The following VSTM2A variants were observed in gnomAD, a reference collection of about 807,000 sequenced individuals.
The protein encoded by VSTM2A is V-set and transmembrane domain containing 2A.
VSTM2A carries 13 observed loss-of-function variants against 27.3 expected under a neutral mutation model. The observed-to-expected ratio is 0.48, with a 90% confidence interval of 0.31 to 0.76. The LOEUF (loss-of-function observed/expected upper bound fraction) is 0.76, where lower values mean the gene tolerates loss of function less well. Ranked by LOEUF, VSTM2A falls within the 30% of genes least tolerant of loss-of-function variation. The probability of loss-of-function intolerance (pLI) is 0.05; values close to 1 mark genes in which losing one functional copy is unlikely to be tolerated. For synonymous variants in VSTM2A, 142 were observed against 125.7 expected, an observed-to-expected ratio of 1.13 and a Z score of -0.87; for missense variants, 280 against 310.0, an observed-to-expected ratio of 0.90 and a Z score of 0.73.
intron 4 of VSTM2A, among the ~76,000 whole-genome samples, chr7:54,565,901 C>T (rs1166320785): frequency 1.3e-5 from 2 of 152,118 alleles, no homozygotes; most frequent in African/African-American, 2.4e-5. Context: ...GAAATGCTTG[C>T]CTGATGCATC....
chr7:54,542,724 T>C lies in VSTM2A; in HGVS notation c.-7T>C. The C allele has an allele frequency of 6.2e-7, 1 of 1,613,466 alleles. No individual in the cohort carries two copies. Among genetic ancestry groups the C allele is most frequent in the Non-Finnish European group, 8.5e-7 (1 of 1,179,490 alleles). ...CTACACTGATGTGACCCCCCTCCCT[T>C]TTTGGAATGATGGGGATCTTTTTGG... is the stretch of plus-strand genomic sequence containing the variant. On this transcript the variant is annotated 5_prime_UTR_variant, in exon 1 of 5. Coordinates refer to ENST00000402613, the MANE Select transcript of VSTM2A (RefSeq NM_001301009.2).
At chr7:54,544,549 G>T in intron 1 of VSTM2A, 73 bp from the exon 2 acceptor site, 1 of 1,585,368 alleles carries the variant, frequency 6.3e-7, no homozygotes, top group Admixed American at 1.7e-5. Context: ...GAAAAATGTA[G>T]CGAGCTCTCA....
intron 4 of VSTM2A, among the ~76,000 whole-genome samples, chr7:54,554,466 A>G (rs1159628810): frequency 6.6e-6 from 1 of 152,144 alleles, no homozygotes; most frequent in African/African-American, 2.4e-5. Context: ...CTTGTCCCCA[A>G]AGTATCTACA....
rs560852353 is a variant in VSTM2A at position 54,568,828 on chromosome 7, A to T, written c.635-303A>T. Among the ~76,000 whole-genome samples, 22 of 152,332 alleles carry T rather than the reference A, an allele frequency of 1.4e-4. 1 individual carries two copies. The highest frequency in any genetic ancestry group is 6.8e-3 in the Middle Eastern group (2 of 294). ...AAAACAGACAAAACAAACAACACCA[A>T]CTTCCTGGGACTGAAATCCTTTGTA... On this transcript the variant is annotated intron_variant, in intron 4 of 4. Coordinates refer to ENST00000402613, the MANE Select transcript of VSTM2A (RefSeq NM_001301009.2).
Position 54,542,598 on chromosome 7 carries a change from C to T in VSTM2A, c.-133C>T. ...CCCTTCTCCCCACAGCCAGCCCTCGCCAAGCAAGCAGCAGGATGTTTGCAG... is the reference window on the plus strand; with the variant it reads ...CCCTTCTCCCCACAGCCAGCCCTCGTCAAGCAAGCAGCAGGATGTTTGCAG... On this transcript the variant is annotated 5_prime_UTR_variant, in exon 1 of 5. Transcript: ENST00000402613. The T allele has an allele frequency of 1.3e-6, 1 of 759,664 alleles. No homozygotes were observed. The highest frequency in any genetic ancestry group is 2.2e-6 in the Non-Finnish European group (1 of 449,328). The allele number at this position is 759,664 out of a possible 1,614,324, so 47.1% of individuals were successfully genotyped here. A position where few individuals can be genotyped will look rare whatever the true frequency, so the allele number is the denominator to read the frequency against.
chr7:54,546,546 C>G (rs923104303), intron 2 of VSTM2A: 57 of 146,036 alleles, frequency 3.9e-4, no homozygotes, highest in Non-Finnish European at 5.9e-4. Flanking sequence ...GCCCGCCTCA[C>G]CCCTGGCGCC....
Position 54,542,449 on chromosome 7 carries a change from G to A in VSTM2A, c.-282G>A, listed in dbSNP as rs918090384. The A allele has an allele frequency of 4.3e-6, 2 of 469,420 alleles. No individual in the cohort carries two copies. Among genetic ancestry groups the A allele is most frequent in the Non-Finnish European group, 7.5e-6 (2 of 267,312 alleles). The allele number at this position is 469,420 out of a possible 1,614,324, so 29.1% of individuals were successfully genotyped here. On this transcript the variant is annotated 5_prime_UTR_variant, in exon 1 of 5. Coordinates refer to ENST00000402613, the MANE Select transcript of VSTM2A (RefSeq NM_001301009.2). ...GGAGCGGCGGGCTGACGTTGGACGA[G>A]CTGCCAGGTAGCTGAAAGCAGGCAG...
intron 4 of VSTM2A, chr7:54,560,088 A>T (rs551674764): frequency 3.3e-5 from 5 of 152,298 alleles, no homozygotes; most frequent in African/African-American, 9.6e-5. Flanking sequence ...CAATTAAAAA[A>T]TGGTAAACAG....
chr7:54,557,259 G>T (rs1425975302), intron 4 of VSTM2A: 1 of 152,032 alleles, frequency 6.6e-6, no homozygotes, highest in Non-Finnish European at 1.5e-5. Context: ...TAAAGAGGAA[G>T]GCTGCTTCAC....
intron 4 of VSTM2A, among the ~76,000 whole-genome samples, chr7:54,566,637 A>C (rs1788732544): frequency 6.6e-6 from 1 of 152,244 alleles, no homozygotes; most frequent in South Asian, 2.1e-4. Flanking sequence ...CAAATAAAAC[A>C]AAATAGGCAA....
intron 4 of VSTM2A, among the ~76,000 whole-genome samples, chr7:54,554,938 A>G (rs373377255): frequency 5.3e-5 from 8 of 152,248 alleles, no homozygotes; most frequent in African/African-American, 1.9e-4. Context: ...GTTTCATGAT[A>G]GATACCCAGA....
intron 4 of VSTM2A, among the ~76,000 whole-genome samples, chr7:54,557,640 C>T (rs892749135): frequency 2.6e-5 from 4 of 152,110 alleles, no homozygotes; most frequent in African/African-American, 9.7e-5. Flanking sequence ...GGCCTGTTTC[C>T]TCATTCCTTA....
intron 4 of VSTM2A, chr7:54,559,213 C>T (rs1788471720): frequency 6.6e-6 from 1 of 151,918 alleles, no homozygotes; most frequent in Admixed American, 6.6e-5. Context: ...TCAATAGTAG[C>T]AACAAGTAAA....
chr7:54,549,941 G>C lies in VSTM2A; in HGVS notation c.405G>C (p.Gly135=), dbSNP rs149609489. 8.0e-5 allele frequency: 129 copies of C among 1,613,760 alleles called. No individual in the cohort carries two copies. In the African/African-American group the frequency reaches 1.7e-3, roughly 21 times the overall value. The part of the protein sequence containing the change: ...YECRVTDANY[G]ELQEHKAQAY... ...GCAGGGTGACTGATGCCAACTACGGGGAGCTTCAGGAACACAAGGCCCAGG... is the reference window on the plus strand; with the variant it reads ...GCAGGGTGACTGATGCCAACTACGGCGAGCTTCAGGAACACAAGGCCCAGG... The change falls in exon 4 of 5, where the codon GGG becomes GGC. Residue 135 remains glycine (G), a synonymous_variant. Coordinates refer to ENST00000402613, the MANE Select transcript of VSTM2A (RefSeq NM_001301009.2).
chr7:54,555,937 G>C (rs1445978672), intron 4 of VSTM2A, among the ~76,000 whole-genome samples: 5 of 152,160 alleles, frequency 3.3e-5, no homozygotes, highest in African/African-American at 1.2e-4. Context: ...ACTCCACCCA[G>C]TGCCTACTGA....
At chr7:54,549,792 T>A (rs947675944) in intron 3 of VSTM2A, 42 bp from the exon 4 acceptor site, 1 of 1,501,330 alleles carries the variant, frequency 6.7e-7, no homozygotes, top group Admixed American at 2.2e-5. Context: ...CAAAATCATT[T>A]GATGTAGCAC....
At chr7:54,569,071 G>A in intron 4 of VSTM2A, 60 bp from the exon 5 acceptor site, 1 of 1,606,074 alleles carries the variant, frequency 6.2e-7, no homozygotes, top group Non-Finnish European at 8.5e-7. Flanking sequence ...CTTTGTGAAG[G>A]GTGCTTTGCT....
intron 4 of VSTM2A, among the ~76,000 whole-genome samples, chr7:54,564,266 C>G (rs1203824971): frequency 6.6e-6 from 1 of 152,134 alleles, no homozygotes; most frequent in Non-Finnish European, 1.5e-5. Context: ...ATTCTGGAGT[C>G]AGACCATGCA....
At chr7:54,559,646 A>G (rs559757002) in intron 4 of VSTM2A, 2 of 152,256 alleles carry the variant, frequency 1.3e-5, no homozygotes, top group African/African-American at 4.8e-5. Flanking sequence ...TACTTCTGAG[A>G]AGAAATTCCA....
Sources: allele counts gnomAD v4.1 joint callset (sites outside exome capture counted in the v4.1 genomes callset), GRCh38; gene constraint gnomAD v4.1.1; transcripts MANE v1.5; gene names NCBI Gene and HGNC (gene_info 2026-07-23, HGNC 2026-07-21).